The following MNX1 variants were observed in gnomAD, a reference collection of about 807,000 sequenced individuals.
MNX1 encodes the protein motor neuron and pancreas homeobox 1, also known as motor neuron and pancreas homeobox protein 1.
Under a neutral mutation model 17.3 loss-of-function variants are expected in MNX1, and 2 were observed. The ratio of observed to expected loss-of-function variants is 0.12; its 90% CI spans 0.05 to 0.36. The LOEUF (loss-of-function observed/expected upper bound fraction) is 0.36, where lower values mean the gene tolerates loss of function less well. MNX1 is among the 10% of genes least tolerant of loss of function. The probability of loss-of-function intolerance (pLI) is 1.00; values close to 1 mark genes in which losing one functional copy is unlikely to be tolerated. For synonymous variants in MNX1, 306 were observed against 283.1 expected, an observed-to-expected ratio of 1.08 and a Z score of -0.81; for missense variants, 556 against 564.7, an observed-to-expected ratio of 0.98 and a Z score of 0.16.
Position 157,004,893 on chromosome 7 carries a change from C to T in MNX1, c.*627G>A. 5.3e-6 allele frequency: 1 copy of T among 188,346 alleles called. No homozygotes were observed. The highest frequency in any genetic ancestry group is 1.1e-5 in the Non-Finnish European group (1 of 89,142). 11.7% of individuals were successfully genotyped at this position (188,346 alleles called of 1,614,324 possible). A position where few individuals can be genotyped will look rare whatever the true frequency, so the allele number is the denominator to read the frequency against. ...AATTTATTTTACATTCCATCGTGGG[C>T]GATGGGAGAAGCTAAATAATAATTT... On this transcript the variant is annotated 3_prime_UTR_variant, in exon 3 of 3. Transcript: ENST00000252971. This position sits in a 1 kb window ranked among gnomAD's most constrained non-coding sequence, Gnocchi z 6.2.
rs867731047 is a variant in MNX1, at chr7:157,010,117, C to T, written c.234G>A (p.Pro78=). 694 of 996,774 alleles carry T rather than the reference C, an allele frequency of 7.0e-4. 5 individuals carry two copies. The African/African-American group carries it at 0.011, about 16-fold the overall frequency. The allele number at this position is 996,774 out of a possible 1,614,324, so 61.7% of individuals were successfully genotyped here. The change falls in exon 1 of 3, where the codon CCG becomes CCA. Residue 78 remains proline, a synonymous_variant. Transcript: ENST00000252971. ...GCGCGGCCAGCAGGCGCGGCGGCGACGGGCTCTCGGCGCGCAGGCGGTCGG... is the reference window on the plus strand; with the variant it reads ...GCGCGGCCAGCAGGCGCGGCGGCGATGGGCTCTCGGCGCGCAGGCGGTCGG... ...APADRLRAES[P]SPPRLLAAHC...
chr7:157,006,157 C>A lies in MNX1; in HGVS notation c.853-284G>T. 1.7e-6 allele frequency: 1 copy of A among 586,446 alleles called. No homozygotes were observed. Among genetic ancestry groups the A allele is most frequent in the Admixed American group, 3.1e-5 (1 of 32,018 alleles). 36.3% of individuals were successfully genotyped at this position (586,446 alleles called of 1,614,324 possible). ...CTTTTCTACCCGCGCCCTCCGTCTG[C>A]GGAGGAAGGGTCAGGGCAGCTGGCT... On this transcript the variant is annotated intron_variant, in intron 2 of 2. Coordinates refer to ENST00000252971, the MANE Select transcript of MNX1 (RefSeq NM_005515.4). The surrounding 1 kb of genome is among the most constrained non-coding windows in gnomAD (Gnocchi z 6.3).
chr7:157,006,086 G>A lies in MNX1; in HGVS notation c.853-213C>T, dbSNP rs1805592782. The stretch of plus-strand genomic sequence containing the variant: ...CAGCAAACCCCAGAGCTGGGCTGGA[G>A]CTCCGTGGGAGCTAGGACTATGTCC... On this transcript the variant is annotated intron_variant, in intron 2 of 2. Transcript: ENST00000252971. The surrounding 1 kb of genome is among the most constrained non-coding windows in gnomAD (Gnocchi z 6.3). Among the ~76,000 whole-genome samples, 1 of 152,204 alleles carries A rather than the reference G, an allele frequency of 6.6e-6. No individual in the cohort carries two copies. Among genetic ancestry groups the A allele is most frequent in the East Asian group, 1.9e-4 (1 of 5,174 alleles).
intron 1 of MNX1, 48 bp downstream of exon 1, chr7:157,009,612 G>T: frequency 6.3e-7 from 1 of 1,591,698 alleles, no homozygotes; most frequent in Non-Finnish European, 8.6e-7. Context: ...TGGAGGATGC[G>T]CGAGGCCCTC....
chr7:157,010,369 C>A lies in MNX1; in HGVS notation c.-19G>T. 1.9e-6 allele frequency: 3 copies of A among 1,559,142 alleles called. No individual in the cohort carries two copies. In the East Asian group the frequency reaches 7.4e-5, roughly 38 times the overall value. ...TTTCCATCGGCTCGTTTGGGGCTGG[C>A]GCTCAGGGCCCGGTGGCGGGCGACG... On this transcript the variant is annotated 5_prime_UTR_variant, in exon 1 of 3. Coordinates refer to ENST00000252971, the MANE Select transcript of MNX1 (RefSeq NM_005515.4).
chr7:157,005,993 T>C (rs1295055156), intron 2 of MNX1, 120 bp from the exon 3 acceptor site: 2 of 1,124,518 alleles, frequency 1.8e-6, no homozygotes, highest in African/African-American at 1.5e-5. Flanking sequence ...GGCCTCAGGG[T>C]GAGACGACTT....
At chr7:157,005,973 G>C (rs1306273798) in intron 2 of MNX1, 100 bp from the exon 3 acceptor site, 3 of 1,374,668 alleles carry the variant, frequency 2.2e-6, no homozygotes, top group Non-Finnish European at 3.0e-6. Flanking sequence ...CATTGGGTCG[G>C]CCCTGGAATG....
In MNX1 at chr7:157,009,974, G is replaced by GCGGCGT. The variant is rs1440330097; in HGVS notation, c.376_377insACGCCG (p.Ala125_Ala126insAspAla). On this transcript the variant is annotated inframe_insertion, in exon 1 of 3. Transcript: ENST00000252971. ...AGCGGCGGCGGCGGCGGCGGCGGCG[G>GCGGCGT]CGGCAGCGGCCGCTGCGCCCGGATG... 3 of 972,682 alleles carry GCGGCGT rather than the reference G, an allele frequency of 3.1e-6. No homozygotes were observed. Among genetic ancestry groups the GCGGCGT allele is most frequent in the Non-Finnish European group, 3.6e-6 (3 of 830,064 alleles). The allele number at this position is 972,682 out of a possible 1,614,324, so 60.3% of individuals were successfully genotyped here.
rs6979196 is a variant in MNX1, at chr7:157,009,230, G to A, written c.691+430C>T. The A allele has an allele frequency of 0.095, 136,920 of 1,434,696 alleles. 8,349 individuals carry two copies. The highest frequency in any genetic ancestry group is 0.29 in the African/African-American group (20,042 of 69,652). The allele number at this position is 1,434,696 out of a possible 1,614,324, so 88.9% of individuals were successfully genotyped here. A position where few individuals can be genotyped will look rare whatever the true frequency, so the allele number is the denominator to read the frequency against. ...TCCTGAAGCACTCCCTCTCCCTGGAGGGGCCGCGGGTCTCTCTAACGCCCC... is the reference window on the plus strand; with the variant it reads ...TCCTGAAGCACTCCCTCTCCCTGGAAGGGCCGCGGGTCTCTCTAACGCCCC... On this transcript the variant is annotated intron_variant, in intron 1 of 2. Coordinates refer to ENST00000252971, the MANE Select transcript of MNX1 (RefSeq NM_005515.4).
intron 1 of MNX1, chr7:157,009,107 C>T (rs1219194078): frequency 5.2e-6 from 8 of 1,535,774 alleles, no homozygotes; most frequent in Non-Finnish European, 6.1e-6. Context: ...ATCCAACGCC[C>T]TTCCAGAGGA....
chr7:157,009,208 T>C (rs1805660394), intron 1 of MNX1: 1 of 1,450,966 alleles, frequency 6.9e-7, no homozygotes, highest in South Asian at 1.4e-5. Flanking sequence ...TTGCTGCTCC[T>C]GAAGCACTCC....
chr7:157,008,917 G>A (rs1249410385), intron 1 of MNX1: 1 of 1,439,196 alleles, frequency 6.9e-7, no homozygotes, highest in East Asian at 2.5e-5. Flanking sequence ...CGGATGGAGA[G>A]GAAGCTGCCC....
In MNX1 at chr7:157,005,636, C is replaced by A. The variant is rs759900602; in HGVS notation, c.1090G>T (p.Asp364Tyr). The change falls in exon 3 of 3, where the codon GAC becomes TAC. Residue 364 changes from aspartate (D) to tyrosine (Y), a missense_variant. Physicochemically the swap from Asp to Tyr is radical, Grantham distance 160. This residue lies in a region of MNX1 where 178 missense variants were observed against 155.2 expected (regional missense o/e 1.15). Coordinates refer to ENST00000252971, the MANE Select transcript of MNX1 (RefSeq NM_005515.4). ...SDPEEDEDED[D>Y]EDHFPYSNGA... ...TTGCTGTAGGGGAAATGGTCCTCGT[C>A]GTCCTCGTCCTCGTCCTCCTCGGGG... 4 of 1,591,064 alleles carry A rather than the reference C, an allele frequency of 2.5e-6. No individual in the cohort carries two copies. The highest frequency in any genetic ancestry group is 3.4e-6 in the Non-Finnish European group (4 of 1,169,322).
rs1805607973 is a variant in MNX1 at position 157,006,764 on chromosome 7, C to A, written c.692-125G>T. 2 of 1,043,590 alleles carry A rather than the reference C, an allele frequency of 1.9e-6. No individual in the cohort carries two copies. The highest frequency in any genetic ancestry group is 5.3e-5 in the East Asian group (2 of 37,754). 64.6% of individuals were successfully genotyped at this position (1,043,590 alleles called of 1,614,324 possible). A position where few individuals can be genotyped will look rare whatever the true frequency, so the allele number is the denominator to read the frequency against. On this transcript the variant is annotated intron_variant, in intron 1 of 2. Coordinates refer to ENST00000252971, the MANE Select transcript of MNX1 (RefSeq NM_005515.4). The surrounding 1 kb of genome is among the most constrained non-coding windows in gnomAD (Gnocchi z 6.3). ...AGGCCTGGCCCTGCAGAGGGCGGGG[C>A]TGTTCCCTCACTATCAGTGCCCACT...
Position 157,010,282 on chromosome 7 carries a change from C to A in MNX1, c.69G>T (p.Ala23=), listed in dbSNP as rs1369985250. 4 of 1,561,352 alleles carry A rather than the reference C, an allele frequency of 2.6e-6. No individual in the cohort carries two copies. In the South Asian group the frequency reaches 4.7e-5, roughly 18 times the overall value. The change falls in exon 1 of 3, where the codon GCG becomes GCT. Residue 23 remains alanine, a synonymous_variant. Transcript: ENST00000252971. Reference sequence around the variant, plus strand: ...TGACCAAGGCCAGCGGCGCGCTCTGCGCAGAGGCGGCTCGTGGGGGGTCCA... The same window carrying A: ...TGACCAAGGCCAGCGGCGCGCTCTGAGCAGAGGCGGCTCGTGGGGGGTCCA... ...LAVDPPRAAS[A]QSAPLALVTS...
chr7:157,009,331 G>A, intron 1 of MNX1: 2 of 1,414,800 alleles, frequency 1.4e-6, no homozygotes, highest in South Asian at 3.3e-5. Context: ...CTAATTCAGG[G>A]CGCTCTCGGC....
chr7:157,007,500 G>C (rs755185009), intron 1 of MNX1: 1 of 152,252 alleles, frequency 6.6e-6, no homozygotes, highest in Non-Finnish European at 1.5e-5. Context: ...CTCAGGGTGC[G>C]GGCGGCAGGG....
chr7:157,005,444 C>A lies in MNX1; in HGVS notation c.*76G>T. 2 of 1,073,444 alleles carry A rather than the reference C, an allele frequency of 1.9e-6. No homozygotes were observed. The highest frequency in any genetic ancestry group is 2.3e-6 in the Non-Finnish European group (2 of 855,594). The allele number at this position is 1,073,444 out of a possible 1,614,324, so 66.5% of individuals were successfully genotyped here. ...CTCTCGGGGCCGGGCCGGGTGGGTG[C>A]GGGCGCCGGGGCCTCCGGGAGAAGC... On this transcript the variant is annotated 3_prime_UTR_variant, in exon 3 of 3. Coordinates refer to ENST00000252971, the MANE Select transcript of MNX1 (RefSeq NM_005515.4).
Position 157,006,790 on chromosome 7 carries a change from C to T in MNX1, c.692-151G>A, listed in dbSNP as rs1028412080. On this transcript the variant is annotated intron_variant, in intron 1 of 2. Transcript: ENST00000252971. The surrounding 1 kb of genome is among the most constrained non-coding windows in gnomAD (Gnocchi z 6.3). ...TGTTCCCTCACTATCAGTGCCCACT[C>T]CCCAAGGAATGCGGACTCAGGACCA... 2.5e-5 allele frequency: 19 copies of T among 757,662 alleles called. No individual in the cohort carries two copies. In the African/African-American group the frequency reaches 2.7e-4, roughly 11 times the overall value. 46.9% of individuals were successfully genotyped at this position (757,662 alleles called of 1,614,324 possible). A position where few individuals can be genotyped will look rare whatever the true frequency, so the allele number is the denominator to read the frequency against.
Sources: gnomAD v4.1 joint callset for allele counts (sites outside exome capture counted in the v4.1 genomes callset) on GRCh38, gnomAD v4.1.1 for gene constraint, gnomAD v4.1.1 regional missense constraint, Gnocchi (gnomAD v3.1) non-coding constraint, MANE v1.5 for transcripts, NCBI Gene and HGNC (gene_info 2026-07-23, HGNC 2026-07-21) for gene names.